PPOX: variants seen among roughly 807,000 people sequenced by gnomAD.
The protein encoded by PPOX is variegate porphyria.
A neutral mutation model predicts 54.1 loss-of-function variants in PPOX; 23 were observed. That is an observed-to-expected ratio of 0.43 (90% CI 0.31 to 0.60). The LOEUF (loss-of-function observed/expected upper bound fraction) is 0.60. Among genes scored for constraint, PPOX ranks in the 20% least tolerant of loss-of-function variants. The probability of loss-of-function intolerance (pLI) is 0.13; values close to 1 mark genes in which losing one functional copy is unlikely to be tolerated. For missense variants in PPOX, 512 were observed against 601.1 expected (o/e 0.85, Z 1.55); for synonymous variants, 224 against 236.1 (o/e 0.95, Z 0.47).
chr1:161,175,313 G>T, downstream of PPOX: 2 of 1,218,304 alleles, frequency 1.6e-6, no homozygotes, highest in Non-Finnish European at 2.3e-6. Context: ...CTCTGACACT[G>T]GCAGTCTGGT....
downstream of PPOX, chr1:161,175,285 A>C: frequency 6.6e-7 from 1 of 1,503,926 alleles, no homozygotes; most frequent in Non-Finnish European, 9.2e-7. Context: ...AAAGAATCAA[A>C]CTAGGGTTTG....
At chr1:161,170,125 G>T in intron 9 of PPOX, 101 bp downstream of exon 9, 1 of 1,395,960 alleles carries the variant, frequency 7.2e-7, no homozygotes, top group East Asian at 2.5e-5. Context: ...AGGAGTTCGA[G>T]ACCAGCCTGG....
chr1:161,171,370 A>G (rs1211653915), downstream of PPOX: 4 of 966,806 alleles, frequency 4.1e-6, no homozygotes, highest in African/African-American at 1.6e-5. Context: ...AGCCAGGACC[A>G]GAAGAGGGAG....
chr1:161,171,082 C>G lies in PPOX; in HGVS notation c.1340C>G (p.Ala447Gly). The G allele has an allele frequency of 6.2e-7, 1 of 1,614,176 alleles. No homozygotes were observed. Among genetic ancestry groups the G allele is most frequent in the Non-Finnish European group, 8.5e-7 (1 of 1,180,040 alleles). The change falls in exon 13 of 13, where the codon GCT becomes GGT. Residue 447 changes from alanine (A) to glycine (G), a missense_variant. Ala to Gly is a moderately conservative substitution (Grantham distance 60, BLOSUM62 0). Transcript: ENST00000367999. ...GCTCACAGGTTGCCCCTGACTCTGG[C>G]TGGAGCCTCCTATGAGGGAGTTGCT... Reference protein sequence around the residue: ...LTAHRLPLTLAGASYEGVAVN... With the variant: ...LTAHRLPLTLGGASYEGVAVN...
At chr1:161,177,764 G>A (rs894688943), downstream of PPOX, 8 of 152,622 alleles carry the variant, frequency 5.2e-5, 2 homozygotes, top group Admixed American at 5.2e-4. Flanking sequence ...TTTCCTCTGG[G>A]CCGAGACTGA....
In PPOX at chr1:161,171,034, A is replaced by C; in HGVS notation, c.1292A>C (p.Glu431Ala). 1 of 1,614,202 alleles carries C rather than the reference A, an allele frequency of 6.2e-7. No homozygotes were observed. Residue 431 changes from glutamate to alanine, a missense_variant and splice_region_variant, in exon 13 of 13, where the codon GAG becomes GCG. By Grantham distance (107) the Glu-to-Ala change is moderately radical. Coordinates refer to ENST00000367999, the MANE Select transcript of PPOX (RefSeq NM_001122764.3). Reference protein sequence around the residue: ...QYTLGHWQKLESARQFLTAHR... With the variant: ...QYTLGHWQKLASARQFLTAHR... ...CATTCCTTTCATCCTTTCCTTCCAG[A>C]GTCAGCTAGGCAATTCCTGACTGCT...
chr1:161,169,164 A>C lies in PPOX; in HGVS notation c.788A>C (p.Gln263Pro), dbSNP rs1217538418. ...RGQPVCGLSLQAEGRWKVSLR... is the reference protein window; with the variant it reads ...RGQPVCGLSLPAEGRWKVSLR... ...CAGCCGGTCTGTGGGCTCAGCCTCC[A>C]GGCAGAAGGGCGCTGGAAGGTAGGG... Residue 263 changes from glutamine (Q) to proline (P), a missense_variant, in exon 7 of 13, where the codon CAG becomes CCG. Gln to Pro is a moderately conservative substitution (Grantham distance 76). Coordinates refer to ENST00000367999, the MANE Select transcript of PPOX (RefSeq NM_001122764.3). 6.2e-7 allele frequency: 1 copy of C among 1,613,942 alleles called. No individual in the cohort carries two copies. Among genetic ancestry groups the C allele is most frequent in the East Asian group, 2.2e-5 (1 of 44,902 alleles).
chr1:161,175,943 G>A (rs778878376), downstream of PPOX: 35 of 1,614,002 alleles, frequency 2.2e-5, no homozygotes, highest in East Asian at 4.5e-5. Context: ...CCCTGATCTC[G>A]GCCAAATAGG....
At chr1:161,177,134 G>C (rs1451098468), downstream of PPOX, 1 of 1,477,424 alleles carries the variant, frequency 6.8e-7, no homozygotes, top group Non-Finnish European at 9.1e-7. Context: ...GGGAGAGCAG[G>C]GGCAGAGACA....
chr1:161,167,413 G>A lies in PPOX; in HGVS notation c.265G>A (p.Gly89Arg), dbSNP rs1374319753. ...GLDSEVLPVR[G>R]DHPAAQNRFL... ...GGATTCAGAAGTGCTGCCTGTCCGG[G>A]GAGACCACCCAGCTGCCCAGAACAG... The change falls in exon 4 of 13, where the codon GGA (glycine) becomes AGA (arginine). Residue 89 changes from glycine (G) to arginine (R), a missense_variant. Gly to Arg is a moderately radical substitution (Grantham distance 125, BLOSUM62 -2). Coordinates refer to ENST00000367999, the MANE Select transcript of PPOX (RefSeq NM_001122764.3). 3 of 1,613,858 alleles carry A rather than the reference G, an allele frequency of 1.9e-6. No homozygotes were observed. Among genetic ancestry groups the A allele is most frequent in the East Asian group, 2.2e-5 (1 of 44,864 alleles).
chr1:161,177,129 A>G, downstream of PPOX: 2 of 1,487,470 alleles, frequency 1.3e-6, no homozygotes, highest in Non-Finnish European at 1.8e-6. Context: ...GGAGAGGGAG[A>G]GCAGGGGCAG....
At chr1:161,171,511 A>T, downstream of PPOX, 1 of 577,598 alleles carries the variant, frequency 1.7e-6, no homozygotes. Context: ...TCCATGGAAG[A>T]GGGAGGGGCT....
rs761354593 is a variant in PPOX at position 161,168,436 on chromosome 1, C to T, written c.476C>T (p.Ala159Val). The T allele has an allele frequency of 5.0e-6, 8 of 1,614,124 alleles. No homozygotes were observed. The highest frequency in any genetic ancestry group is 6.8e-6 in the Non-Finnish European group (8 of 1,180,022). ...AGTCCTAGTCTCACCCTTAAGGTGGCGTCTCTAGCCATGGACAGTCTCTGC... is the reference window on the plus strand; with the variant it reads ...AGTCCTAGTCTCACCCTTAAGGTGGTGTCTCTAGCCATGGACAGTCTCTGC... ...FAQRRLGPEV[A>V]SLAMDSLCRG... Residue 159 changes from alanine to valine, a missense_variant, in exon 6 of 13, where the codon GCG becomes GTG. Physicochemically the swap from Ala to Val is moderately conservative, Grantham distance 64. Coordinates refer to ENST00000367999, the MANE Select transcript of PPOX (RefSeq NM_001122764.3).
chr1:161,173,515 G>T, downstream of PPOX: 5 of 1,578,500 alleles, frequency 3.2e-6, no homozygotes, highest in Admixed American at 8.4e-5. Context: ...GGAGCTAAAG[G>T]TTAGTGTTGA....
intron 7 of PPOX, 126 bp from the exon 8 acceptor site, chr1:161,169,534 C>T: frequency 4.1e-6 from 4 of 976,354 alleles, no homozygotes; most frequent in Non-Finnish European, 3.3e-6. Flanking sequence ...TCTCTTCATC[C>T]TGGGTCAGTA....
At chr1:161,170,321 T>TGGGGGCGGCC in intron 9 of PPOX, 88 bp from the exon 10 acceptor site, 1 of 367,768 alleles carries the variant, frequency 2.7e-6, no homozygotes, top group Non-Finnish European at 5.3e-6. Flanking sequence ...TGAGACTCTG[T>TGGGGGCGGCC]CCCCCCCACC....
In PPOX at chr1:161,167,265, T is replaced by C. The variant is rs747796784; in HGVS notation, c.222+31T>C. On this transcript the variant is annotated intron_variant, in intron 3 of 12. Coordinates refer to ENST00000367999, the MANE Select transcript of PPOX (RefSeq NM_001122764.3). Reference sequence around the variant, plus strand: ...AGGCTTGTGGGATGTCTAGGAGAGGTTGTGGAGGGGGCTTCCATTGGGGAA... The same window carrying C: ...AGGCTTGTGGGATGTCTAGGAGAGGCTGTGGAGGGGGCTTCCATTGGGGAA... 2.5e-6 allele frequency: 4 copies of C among 1,613,572 alleles called. No individual in the cohort carries two copies. In the African/African-American group the frequency reaches 4.0e-5, roughly 16 times the overall value.
At chr1:161,171,278 A>C (rs1661343638), downstream of PPOX, 1 of 1,584,894 alleles carries the variant, frequency 6.3e-7, no homozygotes, top group Non-Finnish European at 8.6e-7. Context: ...AAAGAGGCAA[A>C]GTGTGCCTGG....
At position 161,169,601 on chromosome 1, in the gene PPOX, C is replaced by T. The variant is rs1365384692; in HGVS notation, c.808-59C>T. 9.0e-6 allele frequency: 14 copies of T among 1,554,636 alleles called. No individual in the cohort carries two copies. In the South Asian group the frequency reaches 1.2e-4, roughly 14 times the overall value. On this transcript the variant is annotated intron_variant, in intron 7 of 12. Transcript: ENST00000367999. ...AAACTGAGAGTGAGGCACCAGAAGT[C>T]TCTTTTCACTCATCAAATTCTCATT...
Sources: gnomAD v4.1 joint callset for allele counts on GRCh38, gnomAD v4.1.1 for gene constraint, MANE v1.5 for transcripts, NCBI Gene and HGNC (gene_info 2026-07-23, HGNC 2026-07-21) for gene names.